The following SAMTOR variants were observed in gnomAD, a reference collection of about 807,000 sequenced individuals.
The protein encoded by SAMTOR is UPF0532 protein C7orf60.
At chr7:112,905,106 A>G in the SAMTOR span, among the ~76,000 whole-genome samples, 1 of 152,160 alleles carries the variant, frequency 6.6e-6, no homozygotes, top group Non-Finnish European at 1.5e-5. Context: ...CTAGTCCCCA[A>G]AGCCTACTGA....
At chr7:112,907,006 G>A in the SAMTOR span, among the ~76,000 whole-genome samples, 1 of 152,050 alleles carries the variant, frequency 6.6e-6, no homozygotes, top group African/African-American at 2.4e-5. Context: ...AAGTACATGT[G>A]GAAAAAAGCA....
At chr7:112,866,573 C>T in the SAMTOR span, among the ~76,000 whole-genome samples, 20 of 152,146 alleles carry the variant, frequency 1.3e-4, no homozygotes, top group African/African-American at 4.8e-4. Flanking sequence ...CACCTGCCTG[C>T]GGCTACACAG....
the SAMTOR span, among the ~76,000 whole-genome samples, chr7:112,857,282 G>A: frequency 6.7e-6 from 1 of 148,560 alleles, no homozygotes. Flanking sequence ...TAGTAGAGAC[G>A]GGGTTTCACC....
At chr7:112,867,832 A>G in the SAMTOR span, among the ~76,000 whole-genome samples, 1 of 152,348 alleles carries the variant, frequency 6.6e-6, no homozygotes, top group Non-Finnish European at 1.5e-5. Flanking sequence ...GGGGTCCCCA[A>G]CCTCTGGGCT....
the SAMTOR span, among the ~76,000 whole-genome samples, chr7:112,913,609 A>C: frequency 1.3e-5 from 2 of 152,222 alleles, no homozygotes; most frequent in African/African-American, 2.4e-5. Flanking sequence ...TTCCCATGTC[A>C]GAGTAAAAAT....
chr7:112,932,931 TA>T, the SAMTOR span, among the ~76,000 whole-genome samples: 1 of 152,242 alleles, frequency 6.6e-6, no homozygotes, highest in Non-Finnish European at 1.5e-5. Flanking sequence ...AATCTAGATT[TA>T]AAGTTGTTAA....
At chr7:112,865,757 A>ATTCATATATAT in the SAMTOR span, among the ~76,000 whole-genome samples, 6 of 141,436 alleles carry the variant, frequency 4.2e-5, no homozygotes, top group African/African-American at 1.6e-4. Flanking sequence ...ATATACATAT[A>ATTCATATATAT]TTCATATATA....
At chr7:112,867,843 G>A in the SAMTOR span, among the ~76,000 whole-genome samples, 1 of 152,196 alleles carries the variant, frequency 6.6e-6, no homozygotes, top group Admixed American at 6.5e-5. Context: ...CCTCTGGGCT[G>A]CAAACTGGTA....
the SAMTOR span, among the ~76,000 whole-genome samples, chr7:112,908,676 CATATGCATAT>C: frequency 6.6e-6 from 1 of 152,122 alleles, no homozygotes; most frequent in Non-Finnish European, 1.5e-5. Flanking sequence ...GATATATGTA[CATATGCATAT>C]GTACATGGAT....
the SAMTOR span, among the ~76,000 whole-genome samples, chr7:112,866,182 T>C: frequency 1.6e-4 from 25 of 152,330 alleles, no homozygotes; most frequent in Non-Finnish European, 2.9e-4. Context: ...CTTTATGAAT[T>C]ATTTTTACAT....
the SAMTOR span, among the ~76,000 whole-genome samples, chr7:112,844,248 C>A: frequency 6.6e-6 from 1 of 152,044 alleles, no homozygotes; most frequent in Non-Finnish European, 1.5e-5. Context: ...CACTCCTATT[C>A]AACATAGTAC....
At chr7:112,869,713 G>A in the SAMTOR span, among the ~76,000 whole-genome samples, 1 of 152,066 alleles carries the variant, frequency 6.6e-6, no homozygotes, top group Non-Finnish European at 1.5e-5. Flanking sequence ...CCCTAGCAAT[G>A]GATCCTAATC....
the SAMTOR span, among the ~76,000 whole-genome samples, chr7:112,850,105 C>T: frequency 6.6e-6 from 1 of 152,036 alleles, no homozygotes; most frequent in Non-Finnish European, 1.5e-5. Context: ...ACTTGGGAGG[C>T]TGAGGGAATC....
chr7:112,849,603 C>T, the SAMTOR span, among the ~76,000 whole-genome samples: 4 of 152,100 alleles, frequency 2.6e-5, no homozygotes, highest in Admixed American at 6.6e-5. Flanking sequence ...TTCTGTTGCT[C>T]GACTGCTCTG....
chr7:112,922,279 G>A, the SAMTOR span, among the ~76,000 whole-genome samples: 14 of 152,210 alleles, frequency 9.2e-5, no homozygotes, highest in Admixed American at 3.9e-4. Context: ...CCAGGCTGGA[G>A]TGCAGTGGCA....
At chr7:112,858,867 C>T in the SAMTOR span, among the ~76,000 whole-genome samples, 1 of 152,178 alleles carries the variant, frequency 6.6e-6, no homozygotes, top group African/African-American at 2.4e-5. Flanking sequence ...CATGAAATGA[C>T]ACTTCAGACC....
the SAMTOR span, among the ~76,000 whole-genome samples, chr7:112,869,561 AAATT>A: frequency 6.6e-6 from 1 of 151,874 alleles, no homozygotes; most frequent in Non-Finnish European, 1.5e-5. Flanking sequence ...TAAAGCATAA[AAATT>A]AAAAAAAAAA....
the SAMTOR span, among the ~76,000 whole-genome samples, chr7:112,921,418 C>G: frequency 0.011 from 1,620 of 149,050 alleles, 25 homozygotes; most frequent in African/African-American, 0.037. Flanking sequence ...AACTGGATCC[C>G]TTCCTTACAC....
chr7:112,875,324 A>G, the SAMTOR span, among the ~76,000 whole-genome samples: 1 of 152,086 alleles, frequency 6.6e-6, no homozygotes, highest in East Asian at 1.9e-4. Flanking sequence ...TGGTTGCTTG[A>G]GGCTACTTGG....
Sources: gnomAD v4.1 joint callset for allele counts (sites outside exome capture counted in the v4.1 genomes callset) on GRCh38, gnomAD v4.1.1 for gene constraint, MANE v1.5 for transcripts, NCBI Gene and HGNC (gene_info 2026-07-23, HGNC 2026-07-21) for gene names.